NUP62CL: variants seen among roughly 807,000 people sequenced by gnomAD.
The protein encoded by NUP62CL is nucleoporin 62 C-terminal like, also known as nucleoporin-62 C-terminal-like protein.
NUP62CL carries 13 observed loss-of-function variants against 15.3 expected under a neutral mutation model. That is an observed-to-expected ratio of 0.85 (90% CI 0.55 to 1.35). NUP62CL has a LOEUF of 1.35. Among genes scored for constraint, NUP62CL ranks in the 40% most tolerant of loss-of-function variants. The pLI is 0.00. For synonymous variants in NUP62CL, 54 were observed against 49.2 expected (o/e 1.10, Z -0.41); for missense variants, 123 against 130.6 (o/e 0.94, Z 0.28).
At chrX:107,169,000 G>A (rs1029221540) in intron 3 of NUP62CL, among the ~76,000 whole-genome samples, 8 of 112,091 alleles carry the variant, frequency 7.1e-5, no homozygotes, top group Non-Finnish European at 1.3e-4. Flanking sequence ...CCAACTGAAG[G>A]ATGGGAAGCC....
intron 8 of NUP62CL, among the ~76,000 whole-genome samples, chrX:107,138,519 C>T (rs1052699252): frequency 2.7e-5 from 3 of 112,015 alleles, no homozygotes; most frequent in African/African-American, 9.7e-5. Flanking sequence ...ACAGGCATTT[C>T]ACTGAAAAGT....
At position 107,170,396 on chromosome X, in the gene NUP62CL, T is replaced by C. The variant is rs936489987; in HGVS notation, c.59-2612A>G. 1.4e-4 allele frequency among the ~76,000 whole-genome samples: 15 copies of C among 107,091 alleles called. No individual in the cohort carries two copies. The Admixed American group carries it at 1.5e-3, about 11-fold the overall frequency. 93.0% of individuals were successfully genotyped at this position (107,091 alleles called of 115,157 possible). A position where few individuals can be genotyped will look rare whatever the true frequency, so the allele number is the denominator to read the frequency against. On this transcript the variant is annotated intron_variant, in intron 3 of 8. Coordinates refer to ENST00000372466, the MANE Select transcript of NUP62CL (RefSeq NM_017681.3). Reference sequence around the variant, plus strand: ...AAAGGAATCCTGAGTCATTTTAAAATGGTATGATTATTTTAACTTTTTTTT... The same window carrying C: ...AAAGGAATCCTGAGTCATTTTAAAACGGTATGATTATTTTAACTTTTTTTT...
intron 8 of NUP62CL, among the ~76,000 whole-genome samples, chrX:107,136,652 A>G (rs1925644523): frequency 8.9e-6 from 1 of 112,574 alleles, no homozygotes; most frequent in African/African-American, 3.2e-5. Flanking sequence ...AAAATCTCTC[A>G]TACATTTAAA....
intron 2 of NUP62CL, among the ~76,000 whole-genome samples, chrX:107,192,270 T>C (rs915062603): frequency 8.9e-6 from 1 of 112,487 alleles, no homozygotes; most frequent in Non-Finnish European, 1.9e-5. Context: ...CCTCCTATGG[T>C]TCACATAAAA....
chrX:107,176,054 C>T (rs190786873), intron 2 of NUP62CL, among the ~76,000 whole-genome samples: 131 of 111,710 alleles, frequency 1.2e-3, no homozygotes, highest in African/African-American at 3.8e-3. Context: ...ACTGCTACTG[C>T]TCAGTACCCA....
At chrX:107,175,341 G>A in intron 2 of NUP62CL, 148 bp from the exon 3 acceptor site, 1 of 381,717 alleles carries the variant, frequency 2.6e-6, no homozygotes, top group South Asian at 6.1e-5. Flanking sequence ...ATAAGACAGA[G>A]TAAAAGCTTG....
At chrX:107,156,418 C>T (rs1209203948) in intron 4 of NUP62CL, among the ~76,000 whole-genome samples, 2 of 102,630 alleles carry the variant, frequency 1.9e-5, no homozygotes, top group African/African-American at 3.6e-5. Context: ...TCTCCCAGCA[C>T]GCAGCTGGAG....
chrX:107,189,886 AAAGAAAG>A lies in NUP62CL; in HGVS notation c.-48+3136_-48+3142del, dbSNP rs1386411954. ...GGAAGGAAAAAGAAAGAAAAGAAAG[AAAGAAAG>A]AAAGAAAGAAAGAAAGAAAGAAAGA... is the stretch of plus-strand genomic sequence containing the variant. On this transcript the variant is annotated intron_variant, in intron 2 of 8. Coordinates refer to ENST00000372466, the MANE Select transcript of NUP62CL (RefSeq NM_017681.3). 6.5e-4 allele frequency among the ~76,000 whole-genome samples: 41 copies of A among 63,507 alleles called. No individual in the cohort carries two copies. In the South Asian group the frequency reaches 0.014, roughly 21 times the overall value. 55.1% of individuals were successfully genotyped at this position (63,507 alleles called of 115,157 possible). A position where few individuals can be genotyped will look rare whatever the true frequency, so the allele number is the denominator to read the frequency against.
chrX:107,124,175 C>T lies in NUP62CL; in HGVS notation c.*200G>A, dbSNP rs1159972908. ...GATGAAATATTAAGTATAAATACTA[C>T]TCTATTTAACATCAGAATTTGTAGG... is the stretch of plus-strand genomic sequence containing the variant. On this transcript the variant is annotated 3_prime_UTR_variant, in exon 9 of 9. Coordinates refer to ENST00000372466, the MANE Select transcript of NUP62CL (RefSeq NM_017681.3). 3.1e-6 allele frequency: 1 copy of T among 318,936 alleles called. No homozygotes were observed. The highest frequency in any genetic ancestry group is 2.7e-5 in the African/African-American group (1 of 36,579). The allele number at this position is 318,936 out of a possible 1,213,427, so 26.3% of individuals were successfully genotyped here.
At chrX:107,170,915 T>C (rs989235424) in intron 3 of NUP62CL, among the ~76,000 whole-genome samples, 6 of 111,906 alleles carry the variant, frequency 5.4e-5, no homozygotes, top group Middle Eastern at 4.6e-3. Flanking sequence ...ATCTGTGTAG[T>C]AAAAGGGAAG....
chrX:107,139,136 G>A (rs1252882150), intron 8 of NUP62CL, among the ~76,000 whole-genome samples: 1 of 111,475 alleles, frequency 9.0e-6, no homozygotes, highest in African/African-American at 3.3e-5. Flanking sequence ...TGGTTGCCAA[G>A]GAGTTAATTA....
At chrX:107,191,848 A>C (rs1444817810) in intron 2 of NUP62CL, among the ~76,000 whole-genome samples, 1 of 112,252 alleles carries the variant, frequency 8.9e-6, no homozygotes, top group Non-Finnish European at 1.9e-5. Flanking sequence ...CTTTTTTTCC[A>C]CACTAACCAA....
chrX:107,192,771 A>T (rs1157908956), intron 2 of NUP62CL, among the ~76,000 whole-genome samples: 1 of 112,026 alleles, frequency 8.9e-6, no homozygotes, highest in Non-Finnish European at 1.9e-5. Flanking sequence ...AAAAAATCAG[A>T]AACTGTATTG....
intron 3 of NUP62CL, 143 bp from the exon 4 acceptor site, chrX:107,167,927 G>T: frequency 2.2e-6 from 1 of 462,798 alleles, no homozygotes; most frequent in Non-Finnish European, 3.4e-6. Flanking sequence ...CAACACTGTT[G>T]TAATATGAAA....
chrX:107,186,619 C>A (rs1927069450), intron 2 of NUP62CL, among the ~76,000 whole-genome samples: 2 of 111,601 alleles, frequency 1.8e-5, no homozygotes, highest in African/African-American at 6.5e-5. Flanking sequence ...ACTTTTCGAG[C>A]GGGGCGTGAT....
chrX:107,148,955 T>C (rs1196433272), intron 7 of NUP62CL, among the ~76,000 whole-genome samples: 1 of 111,734 alleles, frequency 8.9e-6, no homozygotes, highest in Non-Finnish European at 1.9e-5. Flanking sequence ...TTTTCCCGTT[T>C]CTTGTCCAAG....
At chrX:107,166,572 A>C (rs748087321) in intron 4 of NUP62CL, among the ~76,000 whole-genome samples, 5 of 111,807 alleles carry the variant, frequency 4.5e-5, no homozygotes, top group Non-Finnish European at 9.4e-5. Flanking sequence ...ACTCCTAGGC[A>C]TTTATCCCAC....
At chrX:107,136,865 G>A (rs1220363260) in intron 8 of NUP62CL, among the ~76,000 whole-genome samples, 1 of 111,456 alleles carries the variant, frequency 9.0e-6, no homozygotes, top group Non-Finnish European at 1.9e-5. Flanking sequence ...TCAGGAGTTC[G>A]AGAGCAGCCT....
chrX:107,159,480 A>G (rs1926299887), intron 4 of NUP62CL, among the ~76,000 whole-genome samples: 1 of 66,878 alleles, frequency 1.5e-5, no homozygotes, highest in Non-Finnish European at 2.7e-5. Context: ...TTCAATATAC[A>G]CAAATCAATA....
Sources: allele counts gnomAD v4.1 joint callset (sites outside exome capture counted in the v4.1 genomes callset), GRCh38; gene constraint gnomAD v4.1.1; transcripts MANE v1.5; gene names NCBI Gene and HGNC (gene_info 2026-07-23, HGNC 2026-07-21).